Variants in ADAMTS9 observed in about 807,000 individuals in gnomAD.
The protein encoded by ADAMTS9 is A disintegrin and metalloproteinase with thrombospondin motifs 9.
In ADAMTS9, 107 loss-of-function variants were observed where a neutral mutation model predicts 257.1. The ratio of observed to expected loss-of-function variants is 0.42; its 90% CI spans 0.36 to 0.49. The LOEUF (loss-of-function observed/expected upper bound fraction) is 0.49, where lower values mean the gene tolerates loss of function less well. ADAMTS9 is among the 20% of genes least tolerant of loss of function. The probability of loss-of-function intolerance (pLI) is 0.03; values close to 1 mark genes in which losing one functional copy is unlikely to be tolerated. For missense variants in ADAMTS9, 2,353 were observed against 2,469.1 expected (o/e 0.95, Z 1.00); for synonymous variants, 982 against 880.9 (o/e 1.11, Z -2.03).
rs776499090 is a variant in ADAMTS9, at chr3:64,622,207, G to C, written c.2677C>G (p.Pro893Ala). 6.2e-7 allele frequency: 1 copy of C among 1,613,326 alleles called. No individual in the cohort carries two copies. The highest frequency in any genetic ancestry group is 8.5e-7 in the Non-Finnish European group (1 of 1,179,626). The change falls in exon 18 of 40, where the codon CCC becomes GCC. Residue 893 changes from proline to alanine, a missense_variant. This residue lies in a region of ADAMTS9 where 1,402 missense variants were observed against 1,441.4 expected (regional missense o/e 0.97). Coordinates refer to ENST00000498707, the MANE Select transcript of ADAMTS9 (RefSeq NM_182920.2). ...AATTCAAAGCAGATACCTTGGCAGG[G>C]TTTACTGCATGCTTGCCATGGCCCA... ...SHGPWQACSK[P>A]CQGERKRKLV...
rs1470649689 is a variant in ADAMTS9, at chr3:64,541,605, T to C, written c.5213A>G (p.Asn1738Ser). Residue 1738 changes from asparagine to serine, a missense_variant, in exon 34 of 40, where the codon AAT becomes AGT. Physicochemically the swap from Asn to Ser is conservative, Grantham distance 46. Around this residue, in one of 3 missense-constraint regions of ADAMTS9, gnomAD observed 1,402 missense variants for 1,441.4 expected, o/e 0.97. Transcript: ENST00000498707. Reference sequence around the variant, plus strand: ...TTTAAGTCTTTTTACCTCCTTGCAATTCTGGGGTAACTCACCTAGAAAACA... The same window carrying C: ...TTTAAGTCTTTTTACCTCCTTGCAACTCTGGGGTAACTCACCTAGAAAACA... ...RNVYNCELPQ[N>S]CKEVKRLKGA... The C allele has an allele frequency of 4.3e-6, 7 of 1,613,804 alleles. No individual in the cohort carries two copies. The highest frequency in any genetic ancestry group is 5.9e-6 in the Non-Finnish European group (7 of 1,179,836).
intron 19 of ADAMTS9, among the ~76,000 whole-genome samples, chr3:64,617,182 G>A (rs926012781): frequency 7.9e-5 from 12 of 152,294 alleles, no homozygotes; most frequent in African/African-American, 2.9e-4. Context: ...ACTTCCTTCA[G>A]GAAGTGTGGC....
At chr3:64,623,840 G>A (rs1011246912) in intron 16 of ADAMTS9, among the ~76,000 whole-genome samples, 2 of 152,112 alleles carry the variant, frequency 1.3e-5, no homozygotes, top group African/African-American at 4.8e-5. Flanking sequence ...CACATGGCAG[G>A]TGCTCAGTAA....
chr3:64,542,054 T>A (rs2083130946), intron 32 of ADAMTS9, 84 bp from the exon 33 acceptor site: 29 of 1,563,636 alleles, frequency 1.9e-5, no homozygotes, highest in Non-Finnish European at 2.4e-5. Flanking sequence ...AGAGCCCTGA[T>A]GTCATCATGT....
chr3:64,613,335 T>C lies in ADAMTS9; in HGVS notation c.3354+10A>G, dbSNP rs557655384. On this transcript the variant is annotated intron_variant, in intron 22 of 39. Transcript: ENST00000498707. Reference sequence around the variant, plus strand: ...AATGTAGCAGTTAAGAATCTTATCGTTCAAAATACCTGTCCCCAGGGACCC... The same window carrying C: ...AATGTAGCAGTTAAGAATCTTATCGCTCAAAATACCTGTCCCCAGGGACCC... 6.2e-7 allele frequency: 1 copy of C among 1,612,474 alleles called. No homozygotes were observed. Among genetic ancestry groups the C allele is most frequent in the South Asian group, 1.1e-5 (1 of 90,810 alleles).
chr3:64,618,529 T>C (rs1480251527), intron 19 of ADAMTS9, among the ~76,000 whole-genome samples: 1 of 152,162 alleles, frequency 6.6e-6, no homozygotes, highest in African/African-American at 2.4e-5. Flanking sequence ...CAGAAAGACC[T>C]GGATGTGAGT....
intron 16 of ADAMTS9, among the ~76,000 whole-genome samples, chr3:64,627,413 A>G (rs1394492802): frequency 6.6e-6 from 1 of 152,124 alleles, no homozygotes; most frequent in Non-Finnish European, 1.5e-5. Flanking sequence ...TTTATCTTGC[A>G]CTGCATCGAT....
chr3:64,617,514 T>C (rs1699989281), intron 19 of ADAMTS9, among the ~76,000 whole-genome samples: 2 of 152,150 alleles, frequency 1.3e-5, no homozygotes, highest in Admixed American at 1.3e-4. Context: ...TGGATGGTGG[T>C]CTTCAATGTT....
At position 64,541,195 on chromosome 3, in the gene ADAMTS9, C is replaced by G. The variant is rs756370535; in HGVS notation, c.5421G>C (p.Gly1807=). ...GACATTGGCAGTCATCGCGCCGGCT[C>G]CCGTTATAGGGACATTCTGTTGGGT... is the stretch of plus-strand genomic sequence containing the variant. ...LHNPTECPYN[G]SRRDDCQCRK... Residue 1807 remains glycine (G), a synonymous_variant, in exon 36 of 40, where the codon GGG becomes GGC. Coordinates refer to ENST00000498707, the MANE Select transcript of ADAMTS9 (RefSeq NM_182920.2). The G allele has an allele frequency of 1.9e-6, 3 of 1,614,084 alleles. No individual in the cohort carries two copies. The highest frequency in any genetic ancestry group is 1.3e-5 in the African/African-American group (1 of 74,918).
chr3:64,658,404 G>T, intron 4 of ADAMTS9, 98 bp downstream of exon 4: 1 of 1,277,706 alleles, frequency 7.8e-7, no homozygotes, highest in Non-Finnish European at 1.1e-6. Flanking sequence ...TGGCTGAAAT[G>T]CCAGTTCTGA....
chr3:64,582,563 C>T (rs2084033653), intron 28 of ADAMTS9: 1 of 152,116 alleles, frequency 6.6e-6, no homozygotes. Flanking sequence ...ATAGAACTAC[C>T]TGGCAGAAAA....
At chr3:64,630,112 T>C (rs1205843323) in intron 16 of ADAMTS9, among the ~76,000 whole-genome samples, 2 of 137,306 alleles carry the variant, frequency 1.5e-5, no homozygotes, top group Non-Finnish European at 3.0e-5. Context: ...TAATTTATTC[T>C]AGATCTGAGT....
chr3:64,544,854 C>T (rs1416635830), intron 32 of ADAMTS9, among the ~76,000 whole-genome samples: 2 of 152,150 alleles, frequency 1.3e-5, no homozygotes, highest in Non-Finnish European at 2.9e-5. Flanking sequence ...AAAATTTTTA[C>T]AATCTACCCA....
chr3:64,683,934 C>T (rs1701824222), intron 2 of ADAMTS9, among the ~76,000 whole-genome samples: 1 of 151,926 alleles, frequency 6.6e-6, no homozygotes, highest in Non-Finnish European at 1.5e-5. Flanking sequence ...ATGACATCAA[C>T]ATGGGGAACT....
At chr3:64,567,422 A>G (rs554718033) in intron 29 of ADAMTS9, among the ~76,000 whole-genome samples, 1 of 152,330 alleles carries the variant, frequency 6.6e-6, no homozygotes, top group South Asian at 2.1e-4. Context: ...GAGCAGCATT[A>G]AATACAGAAT....
intron 31 of ADAMTS9, among the ~76,000 whole-genome samples, chr3:64,547,857 G>GTT (rs35890967): frequency 2.7e-5 from 4 of 147,562 alleles, no homozygotes; most frequent in African/African-American, 7.4e-5. Flanking sequence ...CCTTAGCTAA[G>GTT]TTTTTTTTTT....
At chr3:64,663,972 A>T (rs1701285882) in intron 3 of ADAMTS9, among the ~76,000 whole-genome samples, 1 of 152,022 alleles carries the variant, frequency 6.6e-6, no homozygotes, top group Admixed American at 6.6e-5. Context: ...TACCCACTCA[A>T]CTCTGTTGCT....
At chr3:64,592,671 T>A (rs1338756883) in intron 28 of ADAMTS9, 1 of 152,084 alleles carries the variant, frequency 6.6e-6, no homozygotes, top group African/African-American at 2.4e-5. Context: ...AGATGATCAA[T>A]GGAATTGAGT....
chr3:64,554,012 T>C (rs1285156365), intron 30 of ADAMTS9, among the ~76,000 whole-genome samples: 3 of 151,968 alleles, frequency 2.0e-5, no homozygotes, highest in African/African-American at 7.3e-5. Flanking sequence ...TAACCACCCA[T>C]AGAAAAAGTA....
Sources: gnomAD v4.1 joint callset for allele counts (sites outside exome capture counted in the v4.1 genomes callset) on GRCh38, gnomAD v4.1.1 for gene constraint, gnomAD v4.1.1 regional missense constraint, MANE v1.5 for transcripts, NCBI Gene and HGNC (gene_info 2026-07-23, HGNC 2026-07-21) for gene names.